AFF3: variants seen among roughly 807,000 people sequenced by gnomAD.
The protein encoded by AFF3 is AF4/FMR2 family member 3.
AFF3 carries 32 observed loss-of-function variants against 129.7 expected under a neutral mutation model. That is an observed-to-expected ratio of 0.25 (90% CI 0.19 to 0.33). AFF3 has a LOEUF of 0.33. AFF3 is among the 10% of genes least tolerant of loss of function. The pLI is 1.00. For missense variants in AFF3, 1,373 were observed against 1,592.0 expected, an observed-to-expected ratio of 0.86 and a Z score of 2.34; for synonymous variants, 644 against 635.4, an observed-to-expected ratio of 1.01 and a Z score of -0.20.
rs112293590 is a variant in AFF3 at position 100,005,827 on chromosome 2, T to C, written c.873+805A>G. 4.2e-3 allele frequency among the ~76,000 whole-genome samples: 644 copies of C among 152,346 alleles called. 3 individuals carry two copies. The highest frequency in any genetic ancestry group is 0.019 in the South Asian group (92 of 4,830). On this transcript the variant is annotated intron_variant, in intron 7 of 24. Transcript: ENST00000672756. The stretch of plus-strand genomic sequence containing the variant: ...AACAAATGTCAAATCATTGCTTTCA[T>C]TTGGTTATTAAATCAAATTAAGATA...
intron 11 of AFF3, among the ~76,000 whole-genome samples, chr2:99,700,265 C>T (rs1467975686): frequency 1.3e-5 from 2 of 152,160 alleles, no homozygotes; most frequent in African/African-American, 4.8e-5. Flanking sequence ...GGATTATAGG[C>T]GTGTGCCACC....
In AFF3 at chr2:99,800,798, TAC is replaced by T. The variant is rs987995974; in HGVS notation, c.921+36677_921+36678del. Among the ~76,000 whole-genome samples, 156 of 152,204 alleles carry T rather than the reference TAC, an allele frequency of 1.0e-3. 1 individual carries two copies. Among genetic ancestry groups the T allele is most frequent in the African/African-American group, 3.5e-3 (144 of 41,544 alleles). On this transcript the variant is annotated intron_variant, in intron 8 of 24. Coordinates refer to ENST00000672756, the MANE Select transcript of AFF3 (RefSeq NM_001386135.1). ...CAACATGGATAAATTTCAGAATAAT[TAC>T]ACAGAGTGACAGAAGCCAAACAAGA...
intron 7 of AFF3, among the ~76,000 whole-genome samples, chr2:99,870,017 A>AC (rs1347271852): frequency 3.9e-5 from 6 of 152,102 alleles, no homozygotes; most frequent in Non-Finnish European, 7.4e-5. Context: ...ATCTGCTGGG[A>AC]CCCCATTAGT....
intron 1 of AFF3, among the ~76,000 whole-genome samples, chr2:100,129,639 T>C (rs1194267707): frequency 6.6e-6 from 1 of 152,180 alleles, no homozygotes; most frequent in African/African-American, 2.4e-5. Context: ...CACTTGTTCT[T>C]CAGGTAATCG....
chr2:99,982,284 C>T (rs1300190439), intron 7 of AFF3, among the ~76,000 whole-genome samples: 1 of 152,158 alleles, frequency 6.6e-6, no homozygotes, highest in Non-Finnish European at 1.5e-5. Flanking sequence ...CGTGATAGTG[C>T]ATGGGTCTCA....
At chr2:100,020,193 T>C (rs1683473017) in intron 4 of AFF3, among the ~76,000 whole-genome samples, 1 of 152,016 alleles carries the variant, frequency 6.6e-6, no homozygotes, top group Non-Finnish European at 1.5e-5. Flanking sequence ...TTCACTCCCC[T>C]ATCTCCCCTT....
intron 7 of AFF3, among the ~76,000 whole-genome samples, chr2:99,911,598 G>A (rs924676050): frequency 1.3e-4 from 20 of 152,128 alleles, no homozygotes; most frequent in African/African-American, 4.1e-4. Context: ...CAGAAATGCA[G>A]CTTGTAAATG....
intron 10 of AFF3, among the ~76,000 whole-genome samples, chr2:99,740,783 T>TAC (rs879444736): frequency 2.6e-5 from 4 of 151,792 alleles, no homozygotes; most frequent in Non-Finnish European, 5.9e-5. Context: ...ACTCTGATGG[T>TAC]AGTTTCTTTT....
intron 4 of AFF3, among the ~76,000 whole-genome samples, chr2:100,011,815 GC>G (rs1157558544): frequency 6.6e-6 from 1 of 152,060 alleles, no homozygotes; most frequent in African/African-American, 2.4e-5. Context: ...TAAGACAAAG[GC>G]AATAGGATAA....
intron 13 of AFF3, among the ~76,000 whole-genome samples, chr2:99,624,210 A>C (rs1450207806): frequency 1.3e-5 from 2 of 152,034 alleles, no homozygotes; most frequent in Non-Finnish European, 2.9e-5. Context: ...TATCTGCTTG[A>C]ATTCCCCTAG....
intron 7 of AFF3, among the ~76,000 whole-genome samples, chr2:99,873,744 T>A (rs913093761): frequency 1.3e-5 from 2 of 150,558 alleles, no homozygotes; most frequent in African/African-American, 2.4e-5. Flanking sequence ...TTTTTTTTTT[T>A]AAAGAGCATT....
intron 7 of AFF3, among the ~76,000 whole-genome samples, chr2:99,881,955 T>A (rs946585540): frequency 5.3e-5 from 8 of 152,196 alleles, no homozygotes; most frequent in African/African-American, 1.9e-4. Context: ...CAGAAGTGAC[T>A]GAACAGCTCT....
At chr2:99,672,176 T>TCA (rs55867427) in intron 12 of AFF3, among the ~76,000 whole-genome samples, 2,687 of 36,284 alleles carry the variant, frequency 0.074, 52 homozygotes, top group South Asian at 0.099. Context: ...CCAGTTAGCT[T>TCA]CTCACACACA....
chr2:99,777,082 G>A (rs1016400071), intron 8 of AFF3, among the ~76,000 whole-genome samples: 3 of 152,188 alleles, frequency 2.0e-5, no homozygotes, highest in Non-Finnish European at 4.4e-5. Context: ...TCCAAATGAG[G>A]GACAGGCGGT....
intron 11 of AFF3, chr2:99,707,348 T>C (rs1677496812): frequency 1.0e-6 from 1 of 985,234 alleles, no homozygotes. Flanking sequence ...GTTAATATTT[T>C]TAAATTAAAA....
chr2:99,809,228 G>C (rs1686599652), intron 8 of AFF3, among the ~76,000 whole-genome samples: 1 of 152,244 alleles, frequency 6.6e-6, no homozygotes, highest in Non-Finnish European at 1.5e-5. Flanking sequence ...ACATGGGAGT[G>C]AAGGTTCAAT....
chr2:99,675,693 G>C (rs940784093), intron 11 of AFF3, among the ~76,000 whole-genome samples: 3 of 152,206 alleles, frequency 2.0e-5, no homozygotes, highest in African/African-American at 4.8e-5. Context: ...GTTAGGAGAA[G>C]AGAAAACCCG....
rs550069165 is a variant in AFF3 at position 99,975,211 on chromosome 2, T to C, written c.873+31421A>G. 2.6e-5 allele frequency among the ~76,000 whole-genome samples: 4 copies of C among 152,308 alleles called. No homozygotes were observed. In the South Asian group the frequency reaches 6.2e-4, roughly 24 times the overall value. ...CATTGGGCAAGTGAGGGATACACGGTTGACTTGAAGCTGGAATCCACCCAG... is the reference window on the plus strand; with the variant it reads ...CATTGGGCAAGTGAGGGATACACGGCTGACTTGAAGCTGGAATCCACCCAG... On this transcript the variant is annotated intron_variant, in intron 7 of 24. Transcript: ENST00000672756.
At chr2:99,795,403 G>A (rs1379165685) in intron 8 of AFF3, among the ~76,000 whole-genome samples, 1 of 152,126 alleles carries the variant, frequency 6.6e-6, no homozygotes, top group Non-Finnish European at 1.5e-5. Context: ...TGGCTGGGGG[G>A]CAGGTGGGAG....
Sources: gnomAD v4.1 joint callset for allele counts (sites outside exome capture counted in the v4.1 genomes callset) on GRCh38, gnomAD v4.1.1 for gene constraint, MANE v1.5 for transcripts, NCBI Gene and HGNC (gene_info 2026-07-23, HGNC 2026-07-21) for gene names.